The following GABBR2 variants were observed in gnomAD, a reference collection of about 807,000 sequenced individuals.
GABBR2 encodes G-protein coupled receptor 51.
A neutral mutation model predicts 105.6 loss-of-function variants in GABBR2; 23 were observed. That is an observed-to-expected ratio of 0.22 (90% CI 0.16 to 0.31). The LOEUF (loss-of-function observed/expected upper bound fraction) is 0.31. GABBR2 is among the 10% of genes least tolerant of loss of function. The pLI is 1.00. For missense variants in GABBR2, 734 were observed against 1,245.5 expected, an observed-to-expected ratio of 0.59 and a Z score of 6.18; for synonymous variants, 478 against 499.7, an observed-to-expected ratio of 0.96 and a Z score of 0.58.
Position 98,290,575 on chromosome 9 carries a change from C to T in GABBR2, c.*9G>A, listed in dbSNP as rs769979357. 4 of 1,371,914 alleles carry T rather than the reference C, an allele frequency of 2.9e-6. No homozygotes were observed. In the African/African-American group the frequency reaches 4.5e-5, roughly 15 times the overall value. 85.0% of individuals were successfully genotyped at this position (1,371,914 alleles called of 1,614,324 possible). A position where few individuals can be genotyped will look rare whatever the true frequency, so the allele number is the denominator to read the frequency against. On this transcript the variant is annotated 3_prime_UTR_variant, in exon 19 of 19. Coordinates refer to ENST00000259455, the MANE Select transcript of GABBR2 (RefSeq NM_005458.8). ...CACGGGGGAGGCCCCGGGCCCAGGC[C>T]TCCCACCCTTACAGGCCCGAGACCA...
chr9:98,410,512 T>TC (rs935037336), intron 7 of GABBR2, among the ~76,000 whole-genome samples: 4 of 150,876 alleles, frequency 2.7e-5, no homozygotes, highest in Non-Finnish European at 5.9e-5. Context: ...AAGCTTTTTT[T>TC]TTTTTTTTTT....
chr9:98,628,274 G>A (rs1829772581), intron 1 of GABBR2, among the ~76,000 whole-genome samples: 1 of 152,176 alleles, frequency 6.6e-6, no homozygotes, highest in African/African-American at 2.4e-5. Flanking sequence ...TGACTCCAAA[G>A]CCACTCCTCC....
At chr9:98,297,601 G>A (rs183257530) in intron 17 of GABBR2, among the ~76,000 whole-genome samples, 49 of 151,360 alleles carry the variant, frequency 3.2e-4, no homozygotes, top group African/African-American at 1.1e-3. Context: ...CAACAAGAGC[G>A]AAACCCCGTC....
chr9:98,594,331 C>T (rs748171627), intron 1 of GABBR2, among the ~76,000 whole-genome samples: 8 of 152,232 alleles, frequency 5.3e-5, no homozygotes, highest in African/African-American at 7.2e-5. Context: ...AAGCCCATCA[C>T]GACACTGCCT....
At chr9:98,490,027 A>T (rs1438860473) in intron 4 of GABBR2, among the ~76,000 whole-genome samples, 1 of 152,164 alleles carries the variant, frequency 6.6e-6, no homozygotes, top group East Asian at 1.9e-4. Context: ...CAGGAAGTGG[A>T]GGTTGCAGTG....
At chr9:98,423,200 A>G (rs1361309414) in intron 7 of GABBR2, among the ~76,000 whole-genome samples, 1 of 152,170 alleles carries the variant, frequency 6.6e-6, no homozygotes. Context: ...GACTTCCACA[A>G]TGGTTGAACT....
At chr9:98,602,497 C>T (rs933860556) in intron 1 of GABBR2, among the ~76,000 whole-genome samples, 4 of 150,160 alleles carry the variant, frequency 2.7e-5, no homozygotes, top group Non-Finnish European at 5.9e-5. Flanking sequence ...CATTATATTG[C>T]TTAGGCTGGT....
intron 13 of GABBR2, among the ~76,000 whole-genome samples, chr9:98,313,933 A>G (rs1157791016): frequency 2.0e-5 from 3 of 152,120 alleles, no homozygotes; most frequent in African/African-American, 7.2e-5. Context: ...AGGAGGAGCT[A>G]GGAGGGGTGG....
chr9:98,335,978 T>C lies in GABBR2; in HGVS notation c.1894-24773A>G, dbSNP rs533868410. ...CTCTGAGTAAGATAGTTAAGGGCCCTGTTTCATGGGGCTCACATTCTAGTG... is the reference window on the plus strand; with the variant it reads ...CTCTGAGTAAGATAGTTAAGGGCCCCGTTTCATGGGGCTCACATTCTAGTG... On this transcript the variant is annotated intron_variant, in intron 13 of 18. Transcript: ENST00000259455. Among the ~76,000 whole-genome samples, 13 of 152,332 alleles carry C rather than the reference T, an allele frequency of 8.5e-5. No homozygotes were observed. The South Asian group carries it at 1.7e-3, about 19-fold the overall frequency.
Position 98,395,383 on chromosome 9 carries a change from C to G in GABBR2, c.1298-1128G>C, listed in dbSNP as rs374656808. On this transcript the variant is annotated intron_variant, in intron 8 of 18. Transcript: ENST00000259455. The stretch of plus-strand genomic sequence containing the variant: ...CCTGTGGAGCATCAAGGCAGAGATG[C>G]TCTTGAGTCTAGAGCTGAGGGGAGA... Among the ~76,000 whole-genome samples, 4 of 152,162 alleles carry G rather than the reference C, an allele frequency of 2.6e-5. No individual in the cohort carries two copies. The South Asian group carries it at 8.3e-4, about 32-fold the overall frequency.
intron 1 of GABBR2, among the ~76,000 whole-genome samples, chr9:98,701,950 G>A (rs1830834095): frequency 1.3e-5 from 2 of 152,174 alleles, no homozygotes; most frequent in African/African-American, 4.8e-5. Context: ...CAACAGAGCA[G>A]CGATATTTCC....
At chr9:98,369,688 A>C (rs962623296) in intron 12 of GABBR2, among the ~76,000 whole-genome samples, 6 of 152,144 alleles carry the variant, frequency 3.9e-5, no homozygotes, top group Non-Finnish European at 7.4e-5. Flanking sequence ...CTTGGATGAA[A>C]AACCAGAACA....
chr9:98,297,367 T>C (rs1830397957), intron 17 of GABBR2, among the ~76,000 whole-genome samples: 1 of 152,080 alleles, frequency 6.6e-6, no homozygotes, highest in Non-Finnish European at 1.5e-5. Flanking sequence ...TCCCAGTACT[T>C]TGGGAGGCTG....
At chr9:98,641,150 T>C (rs1829956246) in intron 1 of GABBR2, among the ~76,000 whole-genome samples, 1 of 151,798 alleles carries the variant, frequency 6.6e-6, no homozygotes, top group Non-Finnish European at 1.5e-5. Flanking sequence ...TTTTTTCTTT[T>C]TGAGACGAAG....
intron 14 of GABBR2, among the ~76,000 whole-genome samples, chr9:98,310,285 G>A (rs1358148482): frequency 2.0e-5 from 3 of 151,764 alleles, no homozygotes; most frequent in Admixed American, 2.0e-4. Flanking sequence ...TTTCGCTCTT[G>A]TTGCCCAGGC....
intron 1 of GABBR2, among the ~76,000 whole-genome samples, chr9:98,641,603 C>T (rs951175302): frequency 2.0e-4 from 30 of 152,182 alleles, no homozygotes; most frequent in African/African-American, 7.0e-4. Context: ...CACAGTGCTG[C>T]TCATAAAGTG....
chr9:98,571,888 GCA>G (rs1056544493), intron 2 of GABBR2, among the ~76,000 whole-genome samples: 4 of 152,192 alleles, frequency 2.6e-5, no homozygotes, highest in Non-Finnish European at 2.9e-5. Flanking sequence ...CTCCCCACTT[GCA>G]CCAGAGACCA....
intron 5 of GABBR2, among the ~76,000 whole-genome samples, chr9:98,475,307 G>C (rs1826767689): frequency 6.6e-6 from 1 of 151,560 alleles, no homozygotes; most frequent in South Asian, 2.1e-4. Flanking sequence ...AGTCTCCGGG[G>C]CTTCTCTCTA....
chr9:98,439,223 C>T (rs1208341701), intron 7 of GABBR2, among the ~76,000 whole-genome samples: 1 of 152,046 alleles, frequency 6.6e-6, no homozygotes, highest in Non-Finnish European at 1.5e-5. Flanking sequence ...TACCAGCTAC[C>T]GTGGTTCCTT....
Sources: gnomAD v4.1 joint callset for allele counts (sites outside exome capture counted in the v4.1 genomes callset) on GRCh38, gnomAD v4.1.1 for gene constraint, MANE v1.5 for transcripts, NCBI Gene and HGNC (gene_info 2026-07-23, HGNC 2026-07-21) for gene names.